Variants in MAP9 observed in about 807,000 individuals in gnomAD.
The protein encoded by MAP9 is microtubule-associated protein 9.
MAP9 carries 80 observed loss-of-function variants against 75.2 expected under a neutral mutation model. The observed-to-expected ratio is 1.06, with a 90% CI of 0.89 to 1.28. The LOEUF is 1.28. Among genes scored for constraint, MAP9 ranks in the 50% most tolerant of loss-of-function variants. The probability of loss-of-function intolerance (pLI) is 0.00; values close to 1 mark genes in which losing one functional copy is unlikely to be tolerated. For synonymous variants in MAP9, 235 were observed against 237.3 expected (o/e 0.99, Z 0.09); for missense variants, 753 against 719.9 (o/e 1.05, Z -0.53).
At chr4:155,350,979 C>T (rs925644356) in intron 13 of MAP9, 1 of 151,878 alleles carries the variant, frequency 6.6e-6, no homozygotes, top group Non-Finnish European at 1.5e-5. Flanking sequence ...ATCTTTAAAT[C>T]GCTCATTTTG....
At chr4:155,366,412 C>T (rs1732333093) in intron 5 of MAP9, among the ~76,000 whole-genome samples, 1 of 150,808 alleles carries the variant, frequency 6.6e-6, no homozygotes, top group African/African-American at 2.4e-5. Context: ...TGAAATAATA[C>T]TGAAAATCAA....
intron 4 of MAP9, among the ~76,000 whole-genome samples, chr4:155,370,608 G>A (rs1732549198): frequency 1.3e-5 from 2 of 152,060 alleles, no homozygotes; most frequent in African/African-American, 4.8e-5. Context: ...CTCAGTTTAA[G>A]CAGAATATTA....
rs1439304972 is a variant in MAP9, at chr4:155,353,160, T to C, written c.1542+19A>G. 2 of 1,561,956 alleles carry C rather than the reference T, an allele frequency of 1.3e-6. No individual in the cohort carries two copies. Among genetic ancestry groups the C allele is most frequent in the Admixed American group, 2.1e-5 (1 of 48,478 alleles). ...TTCAAATGTTTTAAAATAATTAAGA[T>C]GTGCAAAGTTCTGAATACTTGTAGT... On this transcript the variant is annotated intron_variant, in intron 11 of 13. Coordinates refer to ENST00000311277, the MANE Select transcript of MAP9 (RefSeq NM_001039580.2).
Position 155,368,627 on chromosome 4 carries a change from C to T in MAP9, c.667G>A (p.Glu223Lys). 1 of 1,614,144 alleles carries T rather than the reference C, an allele frequency of 6.2e-7. No individual in the cohort carries two copies. Among genetic ancestry groups the T allele is most frequent in the Non-Finnish European group, 8.5e-7 (1 of 1,180,016 alleles). Residue 223 changes from glutamate to lysine, a missense_variant, in exon 5 of 14, where the codon GAA becomes AAA. Glu to Lys is a moderately conservative substitution (Grantham distance 56, BLOSUM62 1). Coordinates refer to ENST00000311277, the MANE Select transcript of MAP9 (RefSeq NM_001039580.2). ...SLPTPNGIQL[E>K]AEKKAFSENL... ...TCAGAGAATGCTTTTTTCTCAGCTT[C>T]TAATTGTATGCCATTCGGCGTTGGA...
At position 155,352,594 on chromosome 4, in the gene MAP9, AC is replaced by A; in HGVS notation, c.1821+1del. 3 of 1,579,502 alleles carry A rather than the reference AC, an allele frequency of 1.9e-6. No individual in the cohort carries two copies. The South Asian group carries it at 3.5e-5, about 18-fold the overall frequency. On this transcript the variant is annotated splice_donor_variant, in intron 13 of 13. Transcript: ENST00000311277. LOFTEE classifies it high-confidence loss of function. Reference sequence around the variant, plus strand: ...GAAAGTGCATTGACAAATAATACCTACCAGCCATTTTTCATATTCATTAATA... The same window carrying A: ...GAAAGTGCATTGACAAATAATACCTACAGCCATTTTTCATATTCATTAATA...
chr4:155,362,763 A>G (rs1732147198), intron 5 of MAP9: 1 of 152,198 alleles, frequency 6.6e-6, no homozygotes, highest in African/African-American at 2.4e-5. Flanking sequence ...ATGATATTAC[A>G]ATGTAGGAAG....
rs2305050 is a variant in MAP9, at chr4:155,352,616, T to C, written c.1801A>G (p.Asn601Asp). ...CCTACCAGCCATTTTTCATATTCAT[T>C]AATAGCTTGTTTATCTTTATCTTTT... is the stretch of plus-strand genomic sequence containing the variant. ...EKKDKDKQAI[N>D]EYEKWLENKE... Residue 601 changes from asparagine (N) to aspartate (D), a missense_variant, in exon 13 of 14, where the codon AAT (asparagine) becomes GAT (aspartate). Transcript: ENST00000311277. The C allele has an allele frequency of 0.56, 864,353 of 1,556,198 alleles. 245,288 individuals carry two copies. The highest frequency in any genetic ancestry group is 0.81 in the East Asian group (35,615 of 44,110).
intron 4 of MAP9, among the ~76,000 whole-genome samples, chr4:155,369,321 A>C (rs1344855586): frequency 7.9e-6 from 1 of 127,298 alleles, no homozygotes; most frequent in African/African-American, 3.2e-5. Flanking sequence ...AAGAGCAAAA[A>C]TCCATCTAAA....
Position 155,352,901 on chromosome 4 carries a change from T to C in MAP9, c.1688+11A>G, listed in dbSNP as rs769239244. ...TTAAAATATATCAAAATATTTATGA[T>C]TTTGGATTACCATTTCTCAACAGCA... On this transcript the variant is annotated intron_variant, in intron 12 of 13. Coordinates refer to ENST00000311277, the MANE Select transcript of MAP9 (RefSeq NM_001039580.2). 2.0e-6 allele frequency: 3 copies of C among 1,499,438 alleles called. No individual in the cohort carries two copies. Among genetic ancestry groups the C allele is most frequent in the Non-Finnish European group, 2.7e-6 (3 of 1,115,554 alleles). The allele number at this position is 1,499,438 out of a possible 1,614,324, so 92.9% of individuals were successfully genotyped here. A position where few individuals can be genotyped will look rare whatever the true frequency, so the allele number is the denominator to read the frequency against.
At position 155,373,472 on chromosome 4, in the gene MAP9, G is replaced by GA. The variant is rs5863149; in HGVS notation, c.161-17dup. The GA allele has an allele frequency of 0.28, 396,392 of 1,436,516 alleles. 72,756 individuals carry two copies. Among genetic ancestry groups the GA allele is most frequent in the African/African-American group, 0.83 (57,222 of 68,726 alleles). 89.0% of individuals were successfully genotyped at this position (1,436,516 alleles called of 1,614,324 possible). A position where few individuals can be genotyped will look rare whatever the true frequency, so the allele number is the denominator to read the frequency against. On this transcript the variant is annotated splice_polypyrimidine_tract_variant and intron_variant, in intron 3 of 13. Transcript: ENST00000311277. Reference sequence around the variant, plus strand: ...CCTAAAGAAACTGAAAAATGGAAAAGAAAAATGTTTTCAACAGTATTTTTA... The same window carrying GA: ...CCTAAAGAAACTGAAAAATGGAAAAGAAAAAATGTTTTCAACAGTATTTTTA...
chr4:155,365,283 T>C (rs573825596), intron 5 of MAP9, among the ~76,000 whole-genome samples: 1 of 152,206 alleles, frequency 6.6e-6, no homozygotes, highest in Middle Eastern at 3.4e-3. Flanking sequence ...GAAAGGAATA[T>C]TACCAGAGGT....
At chr4:155,371,903 T>C (rs534410667) in intron 4 of MAP9, among the ~76,000 whole-genome samples, 2 of 152,336 alleles carry the variant, frequency 1.3e-5, no homozygotes, top group South Asian at 4.1e-4. Context: ...CTCACTATAC[T>C]TAGAAGGTAC....
chr4:155,366,418 A>G (rs1002955537), intron 5 of MAP9, among the ~76,000 whole-genome samples: 6 of 152,160 alleles, frequency 3.9e-5, no homozygotes, highest in African/African-American at 1.4e-4. Flanking sequence ...AATACTGAAA[A>G]TCAATTAAAC....
intron 13 of MAP9, chr4:155,351,198 A>G (rs1319013754): frequency 2.0e-5 from 3 of 151,914 alleles, no homozygotes; most frequent in African/African-American, 7.2e-5. Context: ...AGACCCGAAA[A>G]CATGAGAAGG....
At position 155,353,008 on chromosome 4, in the gene MAP9, T is replaced by G. The variant is rs148757220; in HGVS notation, c.1592A>C (p.Asn531Thr). The G allele has an allele frequency of 7.1e-6, 11 of 1,544,320 alleles. No homozygotes were observed. The highest frequency in any genetic ancestry group is 2.4e-5 in the East Asian group (1 of 41,836). The change falls in exon 12 of 14, where the codon AAT becomes ACT. Residue 531 changes from asparagine (N) to threonine (T), a missense_variant. By Grantham distance (65) the Asn-to-Thr change is moderately conservative. Coordinates refer to ENST00000311277, the MANE Select transcript of MAP9 (RefSeq NM_001039580.2). ...EKKMEYLKEKNRKEREYERAK... is the reference protein window; with the variant it reads ...EKKMEYLKEKTRKEREYERAK... Reference sequence around the variant, plus strand: ...TCTTTCATATTCTCTCTCCTTTCTATTTTTCTCTTTAAGATATTCCATCTT... The same window carrying G: ...TCTTTCATATTCTCTCTCCTTTCTAGTTTTCTCTTTAAGATATTCCATCTT...
chr4:155,376,462 C>A (rs925045460), intron 1 of MAP9: 5 of 152,392 alleles, frequency 3.3e-5, no homozygotes, highest in Non-Finnish European at 7.3e-5. Flanking sequence ...ACGAAGCTTT[C>A]GCGATGAGCC....
chr4:155,369,714 T>C (rs1267031096), intron 4 of MAP9, among the ~76,000 whole-genome samples: 2 of 152,178 alleles, frequency 1.3e-5, no homozygotes, highest in Non-Finnish European at 2.9e-5. Flanking sequence ...ACTCAAGGGA[T>C]AGGAGTGCTA....
chr4:155,364,423 T>C (rs1407002911), intron 5 of MAP9, among the ~76,000 whole-genome samples: 1 of 149,300 alleles, frequency 6.7e-6, no homozygotes, highest in African/African-American at 2.4e-5. Context: ...TATATGTATT[T>C]ATAGATATGT....
intron 5 of MAP9, chr4:155,362,363 G>C (rs2111244006): frequency 2.6e-6 from 1 of 382,068 alleles, no homozygotes; most frequent in East Asian, 4.3e-5. Context: ...GTCACTGAAA[G>C]AGTTATTCAA....
Sources: gnomAD v4.1 joint callset for allele counts (sites outside exome capture counted in the v4.1 genomes callset) on GRCh38, gnomAD v4.1.1 for gene constraint, MANE v1.5 for transcripts, NCBI Gene and HGNC (gene_info 2026-07-23, HGNC 2026-07-21) for gene names.